The following PTPRD variants were observed in gnomAD, a reference collection of about 807,000 sequenced individuals.
The protein encoded by PTPRD is receptor-type tyrosine-protein phosphatase delta.
In PTPRD, 34 loss-of-function variants were observed where a neutral mutation model predicts 214.5. The observed-to-expected ratio is 0.16, with a 90% confidence interval of 0.12 to 0.21. The LOEUF is 0.21. PTPRD is among the 10% of genes least tolerant of loss of function. The probability of loss-of-function intolerance (pLI) is 1.00; values close to 1 mark genes in which losing one functional copy is unlikely to be tolerated. For synonymous variants in PTPRD, 1,128 were observed against 845.7 expected, an observed-to-expected ratio of 1.33 and a Z score of -5.79; for missense variants, 2,545 against 2,398.7, an observed-to-expected ratio of 1.06 and a Z score of -1.27.
chr9:8,642,044 T>C (rs763118334), intron 12 of PTPRD, among the ~76,000 whole-genome samples: 8 of 152,156 alleles, frequency 5.3e-5, no homozygotes, highest in Non-Finnish European at 8.8e-5. Flanking sequence ...GTGCTAGACA[T>C]AAATCGGGGA....
chr9:9,948,684 C>T (rs1172629752), intron 4 of PTPRD, among the ~76,000 whole-genome samples: 1 of 151,890 alleles, frequency 6.6e-6, no homozygotes, highest in Non-Finnish European at 1.5e-5. Context: ...GAAGTGTATT[C>T]ACTTAATTTC....
intron 11 of PTPRD, among the ~76,000 whole-genome samples, chr9:8,983,943 T>TA (rs2099327081): frequency 6.6e-6 from 1 of 152,100 alleles, no homozygotes; most frequent in African/African-American, 2.4e-5. Context: ...ATCTGAGTCA[T>TA]ACACTCAGAT....
At position 9,859,319 on chromosome 9, in the gene PTPRD, C is replaced by A. The variant is rs187311963; in HGVS notation, c.-368+79188G>T. ...TGTGAAAACAGACTAATACCCATAC[C>A]AATCACAATCAATTGCAACAGCTTC... is the stretch of plus-strand genomic sequence containing the variant. On this transcript the variant is annotated intron_variant, in intron 5 of 45. Coordinates refer to ENST00000381196, the MANE Select transcript of PTPRD (RefSeq NM_002839.4). Among the ~76,000 whole-genome samples the A allele has an allele frequency of 5.4e-3, 826 of 152,240 alleles. 2 individuals are homozygous for A. Among genetic ancestry groups the A allele is most frequent in the Non-Finnish European group, 8.7e-3 (589 of 68,008 alleles).
chr9:9,144,467 C>T (rs1478660535), intron 10 of PTPRD, among the ~76,000 whole-genome samples: 1 of 152,094 alleles, frequency 6.6e-6, no homozygotes, highest in Non-Finnish European at 1.5e-5. Flanking sequence ...TGAAAACATT[C>T]TTTAGGCCGG....
intron 3 of PTPRD, among the ~76,000 whole-genome samples, chr9:10,248,314 T>C (rs2092396138): frequency 6.6e-6 from 1 of 151,912 alleles, no homozygotes; most frequent in Non-Finnish European, 1.5e-5. Context: ...CTTAAGAACA[T>C]ACATAAAAAT....
chr9:9,946,136 C>T (rs939900464), intron 4 of PTPRD, among the ~76,000 whole-genome samples: 3 of 147,676 alleles, frequency 2.0e-5, no homozygotes, highest in African/African-American at 7.6e-5. Context: ...CATACTAAAT[C>T]ATTACCTTGT....
chr9:9,407,323 T>C (rs984983832), intron 8 of PTPRD, among the ~76,000 whole-genome samples: 21 of 151,792 alleles, frequency 1.4e-4, no homozygotes, highest in Non-Finnish European at 3.0e-5. Context: ...AATGGTGAAT[T>C]CATCCAATTT....
intron 39 of PTPRD, among the ~76,000 whole-genome samples, chr9:8,357,303 C>A (rs1311022259): frequency 6.6e-6 from 1 of 152,112 alleles, no homozygotes; most frequent in Non-Finnish European, 1.5e-5. Flanking sequence ...AAAGCTATTC[C>A]CTCTGTTTGA....
intron 10 of PTPRD, among the ~76,000 whole-genome samples, chr9:9,151,179 A>G (rs887408416): frequency 2.6e-5 from 4 of 152,216 alleles, no homozygotes; most frequent in African/African-American, 9.6e-5. Flanking sequence ...TCGGATCTCA[A>G]TGAATTCTAG....
chr9:9,644,849 C>G (rs772078667), intron 7 of PTPRD, among the ~76,000 whole-genome samples: 1 of 152,144 alleles, frequency 6.6e-6, no homozygotes. Flanking sequence ...GGAGAAGATT[C>G]TTTTCCCACT....
At chr9:10,022,691 A>G (rs2096847125) in intron 4 of PTPRD, among the ~76,000 whole-genome samples, 2 of 152,198 alleles carry the variant, frequency 1.3e-5, no homozygotes, top group African/African-American at 2.4e-5. Flanking sequence ...ATTGTGGTTT[A>G]TGTAGATTGG....
chr9:8,871,000 T>A (rs2098290073), intron 11 of PTPRD, among the ~76,000 whole-genome samples: 1 of 152,184 alleles, frequency 6.6e-6, no homozygotes, highest in Admixed American at 6.6e-5. Context: ...ACATCCCGTT[T>A]GAGACCACTA....
chr9:10,149,450 T>C (rs1336317317), intron 3 of PTPRD, among the ~76,000 whole-genome samples: 1 of 152,140 alleles, frequency 6.6e-6, no homozygotes, highest in Non-Finnish European at 1.5e-5. Flanking sequence ...CTAGTCTGTG[T>C]CCTTACATGA....
At chr9:8,706,831 C>G (rs1361866048) in intron 12 of PTPRD, among the ~76,000 whole-genome samples, 4 of 152,178 alleles carry the variant, frequency 2.6e-5, no homozygotes, top group Admixed American at 6.5e-5. Context: ...GGATTGCTTC[C>G]TGATTTCACT....
At chr9:9,648,430 C>G (rs2096251588) in intron 7 of PTPRD, among the ~76,000 whole-genome samples, 1 of 152,088 alleles carries the variant, frequency 6.6e-6, no homozygotes, top group African/African-American at 2.4e-5. Flanking sequence ...GTCTTCTAAA[C>G]AAAATTCATT....
At chr9:9,947,588 A>T (rs1189551969) in intron 4 of PTPRD, among the ~76,000 whole-genome samples, 2 of 47,604 alleles carry the variant, frequency 4.2e-5, no homozygotes, top group African/African-American at 2.5e-4. Context: ...TATATATATT[A>T]TATATATAAT....
At chr9:10,575,108 C>A (rs1186234200) in intron 2 of PTPRD, among the ~76,000 whole-genome samples, 1 of 151,880 alleles carries the variant, frequency 6.6e-6, no homozygotes, top group Non-Finnish European at 1.5e-5. Context: ...TTACTGAAAT[C>A]ACTGGCTATT....
At chr9:10,308,178 A>G (rs144347762) in intron 3 of PTPRD, among the ~76,000 whole-genome samples, 1 of 152,008 alleles carries the variant, frequency 6.6e-6, no homozygotes, top group East Asian at 1.9e-4. Flanking sequence ...GTTTTCTTAT[A>G]GTAGTTTTGT....
In PTPRD at chr9:9,357,218, T is replaced by C. The variant is rs2054142159; in HGVS notation, c.-203+40231A>G. On this transcript the variant is annotated intron_variant, in intron 9 of 45. Transcript: ENST00000381196. ...GTTTCATAAATACTGTGAGAATTTATGGGTGTCTGGAATAAAGGATGATGT... is the reference window on the plus strand; with the variant it reads ...GTTTCATAAATACTGTGAGAATTTACGGGTGTCTGGAATAAAGGATGATGT... Among the ~76,000 whole-genome samples, 22 of 151,466 alleles carry C rather than the reference T, an allele frequency of 1.5e-4. No individual in the cohort carries two copies. In the South Asian group the frequency reaches 4.6e-3, roughly 31 times the overall value.
Sources: allele counts gnomAD v4.1 joint callset (sites outside exome capture counted in the v4.1 genomes callset), GRCh38; gene constraint gnomAD v4.1.1; transcripts MANE v1.5; gene names NCBI Gene and HGNC (gene_info 2026-07-23, HGNC 2026-07-21).